Variants in TBC1D12 observed in about 807,000 individuals in gnomAD.
The protein encoded by TBC1D12 is TBC1 domain family, member 12.
TBC1D12 carries 56 observed loss-of-function variants against 86.7 expected under a neutral mutation model. That is an observed-to-expected ratio of 0.65 (90% CI 0.52 to 0.81). The LOEUF (loss-of-function observed/expected upper bound fraction) is 0.81, where lower values mean the gene tolerates loss of function less well. Ranked by LOEUF, TBC1D12 falls within the 30% of genes least tolerant of loss-of-function variation. TBC1D12 has a pLI of 0.00. For missense variants in TBC1D12, 1,023 were observed against 1,038.8 expected, an observed-to-expected ratio of 0.98 and a Z score of 0.21; for synonymous variants, 421 against 411.7, an observed-to-expected ratio of 1.02 and a Z score of -0.27.
intron 9 of TBC1D12, among the ~76,000 whole-genome samples, chr10:94,518,179 C>T (rs775957974): frequency 2.0e-5 from 3 of 151,840 alleles, no homozygotes; most frequent in Admixed American, 1.3e-4. Flanking sequence ...TCTCCTAGGA[C>T]TCTCCCTCAA....
intron 2 of TBC1D12, 75 bp downstream of exon 2, chr10:94,442,094 T>G: frequency 6.9e-7 from 1 of 1,445,812 alleles, no homozygotes; most frequent in Non-Finnish European, 9.2e-7. Context: ...TTTTTTTTTT[T>G]TTTTTAAACT....
At chr10:94,452,530 A>G (rs1352558308) in intron 2 of TBC1D12, among the ~76,000 whole-genome samples, 2 of 152,156 alleles carry the variant, frequency 1.3e-5, no homozygotes, top group Non-Finnish European at 2.9e-5. Flanking sequence ...AATTGGAACC[A>G]GACAGTACTT....
At chr10:94,504,626 A>G (rs2056438434) in intron 6 of TBC1D12, among the ~76,000 whole-genome samples, 1 of 152,200 alleles carries the variant, frequency 6.6e-6, no homozygotes, top group South Asian at 2.1e-4. Context: ...TCAGTCAAAT[A>G]TGGTTCAAAT....
In TBC1D12 at chr10:94,531,687, ATG is replaced by A. The variant is rs1554951640; in HGVS notation, c.2259+229_2259+230del. Among the ~76,000 whole-genome samples, 93 of 138,256 alleles carry A rather than the reference ATG, an allele frequency of 6.7e-4. 1 individual carries two copies. The highest frequency in any genetic ancestry group is 2.4e-3 in the African/African-American group (91 of 37,858). The allele number at this position is 138,256 out of a possible 152,430, so 90.7% of individuals were successfully genotyped here. A position where few individuals can be genotyped will look rare whatever the true frequency, so the allele number is the denominator to read the frequency against. On this transcript the variant is annotated intron_variant, in intron 12 of 12. Coordinates refer to ENST00000225235, the MANE Select transcript of TBC1D12 (RefSeq NM_015188.2). ...ATTTTATTTTATTTTATTTTATTTT[ATG>A]TTATTTTATGTTATGTTATTTTATG...
In TBC1D12 at chr10:94,403,480, G is replaced by GC; in HGVS notation, c.872dup (p.Ala292GlyfsTer49). On this transcript the variant is annotated frameshift_variant, in exon 1 of 13. Transcript: ENST00000225235. LOFTEE classifies it high-confidence loss of function. ...GCGGTCAGAGCGCCCGCGATCACCT[G>GC]CCCCCGGCGGGGCCGCCGGTGCCCT... The GC allele has an allele frequency of 1.3e-6, 2 of 1,541,466 alleles. No individual in the cohort carries two copies. The highest frequency in any genetic ancestry group is 2.0e-5 in the Admixed American group (1 of 50,332).
At chr10:94,449,475 C>G (rs1045177814) in intron 2 of TBC1D12, among the ~76,000 whole-genome samples, 3 of 152,150 alleles carry the variant, frequency 2.0e-5, no homozygotes, top group African/African-American at 7.2e-5. Context: ...TCATAATCAG[C>G]TAAACCCTGT....
intron 9 of TBC1D12, among the ~76,000 whole-genome samples, chr10:94,516,327 AAAC>A (rs1246210275): frequency 1.3e-5 from 2 of 152,320 alleles, no homozygotes; most frequent in East Asian, 3.9e-4. Context: ...TAACTGATCA[AAAC>A]AAATCTATTA....
intron 9 of TBC1D12, among the ~76,000 whole-genome samples, chr10:94,513,616 C>A (rs1025217309): frequency 6.6e-6 from 1 of 151,968 alleles, no homozygotes; most frequent in Non-Finnish European, 1.5e-5. Context: ...AGTACAATGG[C>A]GTGATCATGA....
intron 1 of TBC1D12, among the ~76,000 whole-genome samples, chr10:94,419,040 A>AT (rs974168665): frequency 2.0e-5 from 3 of 151,594 alleles, no homozygotes; most frequent in African/African-American, 7.3e-5. Context: ...ACGCCCAGCT[A>AT]TTTTTTGTAT....
At chr10:94,466,288 C>T (rs1235781190) in intron 2 of TBC1D12, among the ~76,000 whole-genome samples, 1 of 151,944 alleles carries the variant, frequency 6.6e-6, no homozygotes, top group African/African-American at 2.4e-5. Flanking sequence ...AATGAGAAAA[C>T]TGTCTTTTTT....
intron 6 of TBC1D12, among the ~76,000 whole-genome samples, chr10:94,505,250 T>C (rs2056445611): frequency 6.6e-6 from 1 of 152,192 alleles, no homozygotes; most frequent in Non-Finnish European, 1.5e-5. Flanking sequence ...TATATTCATC[T>C]CTTCTATGAA....
At chr10:94,435,906 G>A (rs1283488882) in intron 1 of TBC1D12, among the ~76,000 whole-genome samples, 2 of 152,098 alleles carry the variant, frequency 1.3e-5, no homozygotes, top group African/African-American at 4.8e-5. Context: ...CGGAGGTCCC[G>A]ATACTATTTA....
chr10:94,425,276 G>C (rs1399716277), intron 1 of TBC1D12, among the ~76,000 whole-genome samples: 1 of 152,100 alleles, frequency 6.6e-6, no homozygotes, highest in African/African-American at 2.4e-5. Flanking sequence ...TTTTTGGCGT[G>C]ATGGAAGTGT....
At chr10:94,478,054 G>A (rs745621886) in intron 3 of TBC1D12, among the ~76,000 whole-genome samples, 8 of 152,098 alleles carry the variant, frequency 5.3e-5, no homozygotes, top group Non-Finnish European at 1.2e-4. Context: ...GCTGAAGCAG[G>A]AGGATCGCTT....
chr10:94,406,864 A>G (rs2054860398), intron 1 of TBC1D12, among the ~76,000 whole-genome samples: 1 of 152,174 alleles, frequency 6.6e-6, no homozygotes, highest in Non-Finnish European at 1.5e-5. Context: ...TTAGTTAGCT[A>G]GTGGCATGCT....
At chr10:94,448,423 T>C (rs1322250837) in intron 2 of TBC1D12, among the ~76,000 whole-genome samples, 2 of 152,238 alleles carry the variant, frequency 1.3e-5, no homozygotes, top group African/African-American at 4.8e-5. Flanking sequence ...AACAAAACAA[T>C]TATTTCACTG....
At position 94,457,151 on chromosome 10, in the gene TBC1D12, G is replaced by A. The variant is rs563071984; in HGVS notation, c.1095+15132G>A. Among the ~76,000 whole-genome samples the A allele has an allele frequency of 4.6e-5, 7 of 152,114 alleles. No homozygotes were observed. The South Asian group carries it at 8.3e-4, about 18-fold the overall frequency. ...TGTGCTGACCTTGCAGGTTTGTTAC[G>A]TAGGTATGCATGTGCCATGGTTGTT... On this transcript the variant is annotated intron_variant, in intron 2 of 12. Transcript: ENST00000225235.
chr10:94,505,695 T>C (rs116371501), intron 6 of TBC1D12, among the ~76,000 whole-genome samples: 77 of 152,274 alleles, frequency 5.1e-4, no homozygotes, highest in African/African-American at 1.8e-3. Flanking sequence ...AAGAGTCTGT[T>C]TGAAATATAT....
At chr10:94,438,564 C>T (rs563717394) in intron 1 of TBC1D12, among the ~76,000 whole-genome samples, 7 of 152,090 alleles carry the variant, frequency 4.6e-5, no homozygotes, top group African/African-American at 1.7e-4. Context: ...CTCCTGGCAC[C>T]GGTTAGCAAC....
Sources: allele counts gnomAD v4.1 joint callset (sites outside exome capture counted in the v4.1 genomes callset), GRCh38; gene constraint gnomAD v4.1.1; transcripts MANE v1.5; gene names NCBI Gene and HGNC (gene_info 2026-07-23, HGNC 2026-07-21).